The following TRAK1 variants were observed in gnomAD, a reference collection of about 807,000 sequenced individuals.
TRAK1 encodes trafficking kinesin-binding protein 1.
Under a neutral mutation model 92.1 loss-of-function variants are expected in TRAK1, and 33 were observed. The ratio of observed to expected loss-of-function variants is 0.36; its 90% confidence interval spans 0.27 to 0.48. TRAK1 has a LOEUF of 0.48. TRAK1 is among the 20% of genes least tolerant of loss of function. The pLI, the probability that TRAK1 is intolerant of heterozygous loss-of-function variation, is 0.99. For synonymous variants in TRAK1, 521 were observed against 517.3 expected (o/e 1.01, Z -0.10); for missense variants, 1,123 against 1,257.9 (o/e 0.89, Z 1.62).
At chr3:42,027,901 G>A (rs1191492449) in intron 1 of TRAK1, among the ~76,000 whole-genome samples, 1 of 152,170 alleles carries the variant, frequency 6.6e-6, no homozygotes, top group Non-Finnish European at 1.5e-5. Context: ...CCAGGTTGGA[G>A]TGCAGTGGTG....
intron 2 of TRAK1, among the ~76,000 whole-genome samples, chr3:42,170,305 T>G (rs1054646420): frequency 1.3e-5 from 2 of 152,342 alleles, no homozygotes; most frequent in Middle Eastern, 3.4e-3. Flanking sequence ...TAGAATTTTA[T>G]GGAAAGCTTT....
intron 1 of TRAK1, among the ~76,000 whole-genome samples, chr3:42,075,617 A>G (rs1704121832): frequency 6.6e-6 from 1 of 152,190 alleles, no homozygotes; most frequent in Non-Finnish European, 1.5e-5. Context: ...CCAGCAGTGG[A>G]TAAGCATACC....
chr3:42,154,219 C>T (rs1700279690), intron 2 of TRAK1, among the ~76,000 whole-genome samples: 1 of 152,148 alleles, frequency 6.6e-6, no homozygotes, highest in Non-Finnish European at 1.5e-5. Flanking sequence ...GTCATCCAGG[C>T]TGGAGTGCAG....
intron 3 of TRAK1, among the ~76,000 whole-genome samples, chr3:42,182,295 C>G (rs1704117672): frequency 1.3e-5 from 1 of 75,442 alleles, no homozygotes; most frequent in South Asian, 4.0e-4. Flanking sequence ...ATTTGCAACT[C>G]TCTCTTTTTT....
intron 2 of TRAK1, among the ~76,000 whole-genome samples, chr3:42,159,483 C>T (rs1700997835): frequency 6.6e-6 from 1 of 152,202 alleles, no homozygotes; most frequent in South Asian, 2.1e-4. Context: ...GAATTGATAT[C>T]AAGGTGTGCA....
intron 4 of TRAK1, among the ~76,000 whole-genome samples, chr3:42,187,719 G>A (rs142928112): frequency 9.7e-4 from 147 of 152,002 alleles, no homozygotes; most frequent in Non-Finnish European, 1.8e-3. Context: ...TGCCTGCCTC[G>A]GCCTCCCAAA....
chr3:42,026,524 CTTT>C (rs779064338), intron 1 of TRAK1, among the ~76,000 whole-genome samples: 11,521 of 134,914 alleles, frequency 0.085, 936 homozygotes, highest in African/African-American at 0.23. Context: ...TCAGTGATCT[CTTT>C]TTTTTTTTTT....
intron 14 of TRAK1, chr3:42,218,232 T>G (rs573919048): frequency 1.0e-6 from 1 of 985,330 alleles, no homozygotes; most frequent in Non-Finnish European, 1.2e-6. Flanking sequence ...TAAGACATAG[T>G]CAACTGTGTG....
intron 1 of TRAK1, among the ~76,000 whole-genome samples, chr3:42,030,905 A>T (rs1702117818): frequency 1.3e-5 from 2 of 152,016 alleles, no homozygotes; most frequent in South Asian, 4.1e-4. Flanking sequence ...TGGCAGAAGT[A>T]AGAAGGTAAA....
chr3:42,044,751 A>T (rs1366127511), intron 1 of TRAK1, among the ~76,000 whole-genome samples: 2 of 152,228 alleles, frequency 1.3e-5, no homozygotes, highest in East Asian at 3.8e-4. Flanking sequence ...TCTATTTGTT[A>T]TTAAGAAGAT....
At chr3:42,142,014 C>T (rs924541452) in intron 2 of TRAK1, among the ~76,000 whole-genome samples, 3 of 152,060 alleles carry the variant, frequency 2.0e-5, no homozygotes, top group Non-Finnish European at 4.4e-5. Context: ...GCGCATGCCT[C>T]CCGGCTACTC....
intron 2 of TRAK1, among the ~76,000 whole-genome samples, chr3:42,144,270 A>G (rs1025383584): frequency 6.6e-6 from 1 of 151,524 alleles, no homozygotes; most frequent in Admixed American, 6.6e-5. Context: ...TTTCCCTTAA[A>G]AAAAAAAAGA....
chr3:42,183,738 T>TG (rs1704377830), intron 3 of TRAK1, among the ~76,000 whole-genome samples: 4 of 152,250 alleles, frequency 2.6e-5, no homozygotes, highest in Admixed American at 2.6e-4. Context: ...TCAAACCAGA[T>TG]GAGCAGAGTA....
chr3:42,049,000 G>C (rs1293217088), intron 1 of TRAK1, among the ~76,000 whole-genome samples: 3 of 152,060 alleles, frequency 2.0e-5, no homozygotes, highest in African/African-American at 7.2e-5. Flanking sequence ...CAATCCTTCT[G>C]CATCAGCCTT....
chr3:42,189,250 C>A, intron 6 of TRAK1, 126 bp downstream of exon 6: 1 of 694,234 alleles, frequency 1.4e-6, no homozygotes, highest in Admixed American at 2.4e-5. Context: ...CTGTACCAGG[C>A]GCTCGGCAGA....
intron 2 of TRAK1, among the ~76,000 whole-genome samples, chr3:42,141,444 T>A (rs1698638095): frequency 6.6e-6 from 1 of 152,214 alleles, no homozygotes; most frequent in Non-Finnish European, 1.5e-5. Flanking sequence ...GATCTAGTAA[T>A]CTTAATAGAT....
intron 1 of TRAK1, among the ~76,000 whole-genome samples, chr3:42,101,376 A>C (rs933550769): frequency 6.6e-6 from 1 of 152,250 alleles, no homozygotes; most frequent in Non-Finnish European, 1.5e-5. Context: ...ATTGTGGACA[A>C]AGTGAACAGC....
upstream of TRAK1, among the ~76,000 whole-genome samples, chr3:42,087,845 T>C (rs556594216): frequency 1.3e-5 from 2 of 152,350 alleles, no homozygotes; most frequent in Admixed American, 1.3e-4. Flanking sequence ...GTGCCCTTTG[T>C]ACACCATCAG....
intron 1 of TRAK1, among the ~76,000 whole-genome samples, chr3:42,053,817 G>A (rs28503399): frequency 0.22 from 34,187 of 152,034 alleles, 4,262 homozygotes; most frequent in Middle Eastern, 0.33. Flanking sequence ...TGCTTTTTCT[G>A]TTACCTTTGA....
Sources: gnomAD v4.1 joint callset for allele counts (sites outside exome capture counted in the v4.1 genomes callset) on GRCh38, gnomAD v4.1.1 for gene constraint, MANE v1.5 for transcripts, NCBI Gene and HGNC (gene_info 2026-07-23, HGNC 2026-07-21) for gene names.